Variants in ALDH2 observed in about 807,000 individuals in gnomAD.
The protein encoded by ALDH2 is aldehyde dehydrogenase, mitochondrial.
ALDH2 carries 44 observed loss-of-function variants against 59.6 expected under a neutral mutation model. The observed-to-expected ratio is 0.74, with a 90% CI of 0.58 to 0.95. ALDH2 has a LOEUF of 0.95. ALDH2 is among the 40% of genes least tolerant of loss of function. The probability of loss-of-function intolerance (pLI) is 0.00; values close to 1 mark genes in which losing one functional copy is unlikely to be tolerated. For synonymous variants in ALDH2, 291 were observed against 284.0 expected, an observed-to-expected ratio of 1.02 and a Z score of -0.25; for missense variants, 570 against 696.3, an observed-to-expected ratio of 0.82 and a Z score of 2.04.
chr12:111,804,762 A>G (rs2068481237), intron 12 of ALDH2, among the ~76,000 whole-genome samples: 1 of 151,716 alleles, frequency 6.6e-6, no homozygotes, highest in African/African-American at 2.4e-5. Context: ...AAAAAAAAAA[A>G]GAAAAGAAAA....
In ALDH2 at chr12:111,766,962, G is replaced by C. The variant is rs1175970185; in HGVS notation, c.-21G>C. Reference sequence around the variant, plus strand: ...CCCTAGCTCTGCTCTCGGTCCGCTCGCTGTCCGCTAGCCCGCTGCGATGTT... The same window carrying C: ...CCCTAGCTCTGCTCTCGGTCCGCTCCCTGTCCGCTAGCCCGCTGCGATGTT... On this transcript the variant is annotated 5_prime_UTR_variant, in exon 1 of 13. Transcript: ENST00000261733. 1.3e-6 allele frequency: 2 copies of C among 1,515,726 alleles called. No homozygotes were observed. The highest frequency in any genetic ancestry group is 2.0e-5 in the Admixed American group (1 of 49,756). The allele number at this position is 1,515,726 out of a possible 1,614,324, so 93.9% of individuals were successfully genotyped here.
chr12:111,785,247 T>C lies in ALDH2; in HGVS notation c.361-20T>C. 6.2e-7 allele frequency: 1 copy of C among 1,600,840 alleles called. No homozygotes were observed. The highest frequency in any genetic ancestry group is 8.6e-7 in the Non-Finnish European group (1 of 1,167,946). On this transcript the variant is annotated intron_variant, in intron 3 of 12. Coordinates refer to ENST00000261733, the MANE Select transcript of ALDH2 (RefSeq NM_000690.4). ...CTCATTCCTGCACCCATGTCTCTGC[T>C]GACCTTGTTTTCTTCTCAGGCCTTG...
chr12:111,774,408 G>A (rs1209608263), intron 1 of ALDH2, among the ~76,000 whole-genome samples: 1 of 152,128 alleles, frequency 6.6e-6, no homozygotes, highest in East Asian at 1.9e-4. Flanking sequence ...TCACCTAACC[G>A]CAGATTAGCA....
chr12:111,782,021 A>G lies in ALDH2; in HGVS notation c.218A>G (p.Lys73Arg), dbSNP rs1412296559. The change falls in exon 2 of 13, where the codon AAG becomes AGG. Residue 73 changes from lysine (K) to arginine (R), a missense_variant and splice_region_variant. Lys to Arg is a conservative substitution (Grantham distance 26). Coordinates refer to ENST00000261733, the MANE Select transcript of ALDH2 (RefSeq NM_000690.4). ...EVICQVAEGDKEDVDKAVKAA... is the reference protein window; with the variant it reads ...EVICQVAEGDREDVDKAVKAA... ...ATCTGTCAGGTAGCTGAAGGGGACA[A>G]GGTGAGAACTGGTGACTTACCTTGG... is the stretch of plus-strand genomic sequence containing the variant. The G allele has an allele frequency of 6.2e-7, 1 of 1,612,132 alleles. No homozygotes were observed.
intron 1 of ALDH2, chr12:111,775,560 G>A (rs911573791): frequency 1.7e-5 from 7 of 420,542 alleles, no homozygotes; most frequent in African/African-American, 4.2e-5. Flanking sequence ...AAAATATGTA[G>A]GAATTAGAGT....
chr12:111,808,751 T>C (rs1044609882), intron 12 of ALDH2, among the ~76,000 whole-genome samples: 12 of 151,686 alleles, frequency 7.9e-5, no homozygotes, highest in South Asian at 6.2e-4. Flanking sequence ...CTAGGGAGAA[T>C]GGACCATCCA....
intron 11 of ALDH2, among the ~76,000 whole-genome samples, chr12:111,801,679 A>G (rs1244112322): frequency 6.6e-6 from 1 of 150,694 alleles, no homozygotes; most frequent in Non-Finnish European, 1.5e-5. Flanking sequence ...AGCCTGAGCG[A>G]TAGAGTGAGA....
At chr12:111,804,640 A>G (rs1237082257) in intron 12 of ALDH2, among the ~76,000 whole-genome samples, 1 of 151,810 alleles carries the variant, frequency 6.6e-6, no homozygotes, top group South Asian at 2.1e-4. Context: ...CCAGCTACTC[A>G]GGAGGCTGAG....
intron 4 of ALDH2, among the ~76,000 whole-genome samples, chr12:111,787,594 G>T (rs2068319868): frequency 6.6e-6 from 1 of 152,110 alleles, no homozygotes; most frequent in Non-Finnish European, 1.5e-5. Context: ...AAGAGTAGAG[G>T]TTGGACAAGA....
chr12:111,788,046 A>T (rs1231368427), intron 4 of ALDH2, among the ~76,000 whole-genome samples: 44 of 151,536 alleles, frequency 2.9e-4, no homozygotes, highest in African/African-American at 1.0e-3. Flanking sequence ...CTCAGAAAAA[A>T]AAATAAAAAA....
intron 1 of ALDH2, among the ~76,000 whole-genome samples, chr12:111,776,140 G>T (rs544554914): frequency 2.0e-5 from 3 of 152,120 alleles, no homozygotes; most frequent in Non-Finnish European, 4.4e-5. Flanking sequence ...GGGCTGGTGG[G>T]GTTTTAGCCA....
At chr12:111,788,407 G>A (rs2068329700) in intron 4 of ALDH2, among the ~76,000 whole-genome samples, 1 of 152,126 alleles carries the variant, frequency 6.6e-6, no homozygotes, top group Non-Finnish European at 1.5e-5. Context: ...CAATGCCCAG[G>A]ACAGTCCCAC....
intron 12 of ALDH2, 77 bp downstream of exon 12, chr12:111,804,050 G>T (rs1301076853): frequency 2.2e-5 from 21 of 971,510 alleles, no homozygotes; most frequent in Non-Finnish European, 3.1e-5. Context: ...CCTGCTGGGG[G>T]ATTGGGGTCT....
chr12:111,804,827 A>G (rs1478567873), intron 12 of ALDH2, among the ~76,000 whole-genome samples: 1 of 152,142 alleles, frequency 6.6e-6, no homozygotes, highest in African/African-American at 2.4e-5. Flanking sequence ...AAAAATATTT[A>G]AAAATAAATA....
At chr12:111,769,624 C>G (rs1176144224) in intron 1 of ALDH2, among the ~76,000 whole-genome samples, 1 of 151,224 alleles carries the variant, frequency 6.6e-6, no homozygotes, top group Non-Finnish European at 1.5e-5. Context: ...TTCTGAAGCT[C>G]GCCGTCTCAC....
intron 1 of ALDH2, among the ~76,000 whole-genome samples, chr12:111,781,498 G>C (rs931461216): frequency 6.6e-6 from 1 of 152,194 alleles, no homozygotes; most frequent in African/African-American, 2.4e-5. Flanking sequence ...TGCACATCCA[G>C]CCTCAGAGGT....
intron 12 of ALDH2, among the ~76,000 whole-genome samples, chr12:111,804,198 C>A (rs556092673): frequency 1.3e-4 from 20 of 152,270 alleles, no homozygotes; most frequent in Non-Finnish European, 2.9e-5. Context: ...GCCTCTCCCT[C>A]ATGCTTGAGG....
At chr12:111,780,965 C>T (rs542271818) in intron 1 of ALDH2, among the ~76,000 whole-genome samples, 21 of 152,044 alleles carry the variant, frequency 1.4e-4, no homozygotes, top group Admixed American at 3.9e-4. Context: ...AAAAATTAGC[C>T]AGGCGTAGTG....
In ALDH2 at chr12:111,813,031, A is replaced by G. The variant is rs949139052; in HGVS notation, c.*3456A>G. 1 of 152,248 alleles carries G rather than the reference A, an allele frequency of 6.6e-6. No homozygotes were observed. 9.4% of individuals were successfully genotyped at this position (152,248 alleles called of 1,614,324 possible). ...ACAGATAAGAAAGGAAATATTAGCT[A>G]TGAAGAAATGTCTATCAAGTTGATT... is the stretch of plus-strand genomic sequence containing the variant. On this transcript the variant is annotated 3_prime_UTR_variant, in exon 13 of 13. Coordinates refer to ENST00000261733, the MANE Select transcript of ALDH2 (RefSeq NM_000690.4).
Sources: allele counts gnomAD v4.1 joint callset (sites outside exome capture counted in the v4.1 genomes callset), GRCh38; gene constraint gnomAD v4.1.1; transcripts MANE v1.5; gene names NCBI Gene and HGNC (gene_info 2026-07-23, HGNC 2026-07-21).